The following FBXO15 variants were observed in gnomAD, a reference collection of about 807,000 sequenced individuals.
The protein encoded by FBXO15 is F-box only protein 15.
Under a neutral mutation model 49.5 loss-of-function variants are expected in FBXO15, and 30 were observed. The observed-to-expected ratio is 0.61, with a 90% CI of 0.45 to 0.82. The LOEUF is 0.82. Among genes scored for constraint, FBXO15 ranks in the 40% least tolerant of loss-of-function variants. The probability of loss-of-function intolerance (pLI) is 0.00; values close to 1 mark genes in which losing one functional copy is unlikely to be tolerated. For missense variants in FBXO15, 591 were observed against 631.5 expected, an observed-to-expected ratio of 0.94 and a Z score of 0.69; for synonymous variants, 250 against 232.7, an observed-to-expected ratio of 1.07 and a Z score of -0.68.
In FBXO15 at chr18:74,074,646, T is replaced by A. The variant is rs1912181077; in HGVS notation, c.1264-916A>T. ...TGTTTTCACCCTGCAAGCCATGACC[T>A]ATTAATGTATCCTGAAGTAAATTTA... On this transcript the variant is annotated intron_variant, in intron 9 of 9. Coordinates refer to ENST00000419743, the MANE Select transcript of FBXO15 (RefSeq NM_001142958.2). This position sits in a 1 kb window ranked among gnomAD's most constrained non-coding sequence, Gnocchi z 4.7. Among the ~76,000 whole-genome samples, 2 of 152,232 alleles carry A rather than the reference T, an allele frequency of 1.3e-5. No individual in the cohort carries two copies.
At chr18:74,114,511 A>T (rs1022515094) in intron 8 of FBXO15, among the ~76,000 whole-genome samples, 1 of 152,210 alleles carries the variant, frequency 6.6e-6, no homozygotes, top group East Asian at 1.9e-4. Flanking sequence ...TACATTTCCA[A>T]AAGAATAGAA....
At chr18:74,143,205 TTAAA>T (rs760486420) in intron 1 of FBXO15, among the ~76,000 whole-genome samples, 6 of 152,194 alleles carry the variant, frequency 3.9e-5, no homozygotes, top group African/African-American at 7.2e-5. Flanking sequence ...ATTTAAGATA[TTAAA>T]TAAATACCTT....
Position 74,147,687 on chromosome 18 carries a change from G to C in FBXO15, c.99C>G (p.Ala33=). ...ACAGTCACCTGCACCCAAAGGCCCT[G>C]GCGCGCCCCCGGGCCGCGCCACCGC... ...SRGGGAARGR[A]RAFGCRKGPG... Residue 33 remains alanine, a synonymous_variant, in exon 1 of 10, where the codon GCC becomes GCG. Transcript: ENST00000419743. 6.7e-7 allele frequency: 1 copy of C among 1,499,206 alleles called. No individual in the cohort carries two copies. Among genetic ancestry groups the C allele is most frequent in the Non-Finnish European group, 8.9e-7 (1 of 1,128,836 alleles). 92.9% of individuals were successfully genotyped at this position (1,499,206 alleles called of 1,614,324 possible). A position where few individuals can be genotyped will look rare whatever the true frequency, so the allele number is the denominator to read the frequency against.
At position 74,074,482 on chromosome 18, in the gene FBXO15, T is replaced by C. The variant is rs1188556408; in HGVS notation, c.1264-752A>G. Among the ~76,000 whole-genome samples the C allele has an allele frequency of 2.0e-5, 3 of 152,206 alleles. No homozygotes were observed. The highest frequency in any genetic ancestry group is 4.8e-5 in the African/African-American group (2 of 41,466). ...TCAGTTATTCACTCCCACAGTCACA[T>C]GGCCGACACAGCACTTCCCGGAAGT... On this transcript the variant is annotated intron_variant, in intron 9 of 9. Transcript: ENST00000419743. This position sits in a 1 kb window ranked among gnomAD's most constrained non-coding sequence, Gnocchi z 4.7.
At chr18:74,080,720 T>C (rs1234815604) in intron 9 of FBXO15, among the ~76,000 whole-genome samples, 1 of 152,244 alleles carries the variant, frequency 6.6e-6, no homozygotes, top group Non-Finnish European at 1.5e-5. Context: ...AAAGTCCCAT[T>C]GGAAATTTTG....
Position 74,147,756 on chromosome 18 carries a change from C to G in FBXO15, c.30G>C (p.Gln10His), listed in dbSNP as rs1337796367. 17 of 1,535,884 alleles carry G rather than the reference C, an allele frequency of 1.1e-5. No homozygotes were observed. The highest frequency in any genetic ancestry group is 1.5e-5 in the Non-Finnish European group (17 of 1,142,932). The change falls in exon 1 of 10, where the codon CAG becomes CAC. Residue 10 changes from glutamine to histidine, a missense_variant. Physicochemically the swap from Gln to His is conservative, Grantham distance 24. Transcript: ENST00000419743. MATGRGRILQQHWLGLQTLR... is the reference protein window; with the variant it reads MATGRGRILHQHWLGLQTLR... The stretch of plus-strand genomic sequence containing the variant: ...GCGTCTGGAGGCCGAGCCAGTGCTG[C>G]TGCAAGATCCGACCGCGTCCAGTCG...
intron 6 of FBXO15, among the ~76,000 whole-genome samples, chr18:74,125,395 T>C (rs529629117): frequency 6.6e-6 from 1 of 152,362 alleles, no homozygotes; most frequent in Non-Finnish European, 1.5e-5. Flanking sequence ...CTAGTCATTG[T>C]AAACTAATGC....
intron 8 of FBXO15, among the ~76,000 whole-genome samples, chr18:74,121,494 T>C (rs368095372): frequency 1.0e-3 from 154 of 152,364 alleles, no homozygotes; most frequent in African/African-American, 3.5e-3. Flanking sequence ...CATTCTTGGA[T>C]GGAACAATTC....
intron 8 of FBXO15, among the ~76,000 whole-genome samples, chr18:74,120,083 C>T (rs1022337227): frequency 6.6e-6 from 1 of 152,196 alleles, no homozygotes; most frequent in Non-Finnish European, 1.5e-5. Context: ...CGTTTGTACC[C>T]TTGGTGTGCA....
In FBXO15 at chr18:74,073,632, A is replaced by C. The variant is rs1912129237; in HGVS notation, c.1362T>G (p.Ser454=). 1 of 1,614,248 alleles carries C rather than the reference A, an allele frequency of 6.2e-7. No homozygotes were observed. Among genetic ancestry groups the C allele is most frequent in the Non-Finnish European group, 8.5e-7 (1 of 1,180,042 alleles). The part of the protein sequence containing the change: ...PVCLRSPATP[S]DSSSFLGQTY... ...TCTGTCCCAAGAAGCTAGAGCTGTCAGAGGGTGTGGCAGGCGATCTCAGGC... is the reference window on the plus strand; with the variant it reads ...TCTGTCCCAAGAAGCTAGAGCTGTCCGAGGGTGTGGCAGGCGATCTCAGGC... The change falls in exon 10 of 10, where the codon TCT becomes TCG. Residue 454 remains serine (S), a synonymous_variant. Coordinates refer to ENST00000419743, the MANE Select transcript of FBXO15 (RefSeq NM_001142958.2).
Position 74,112,936 on chromosome 18 carries a change from C to T in FBXO15, c.1138+10432G>A, listed in dbSNP as rs577269695. 4.6e-5 allele frequency among the ~76,000 whole-genome samples: 7 copies of T among 152,330 alleles called. No homozygotes were observed. The South Asian group carries it at 1.4e-3, about 32-fold the overall frequency. ...ATTAAACGTACTCGTACCACATGAT[C>T]CAGCAACCACACTCCTTGGTATTTA... is the stretch of plus-strand genomic sequence containing the variant. On this transcript the variant is annotated intron_variant, in intron 8 of 9. Transcript: ENST00000419743.
chr18:74,105,890 CT>C (rs1913737252), intron 8 of FBXO15, among the ~76,000 whole-genome samples: 1 of 152,080 alleles, frequency 6.6e-6, no homozygotes, highest in Admixed American at 6.6e-5. Flanking sequence ...TAATATGAAT[CT>C]GCTCAAAATA....
intron 8 of FBXO15, among the ~76,000 whole-genome samples, chr18:74,117,933 ACTC>A (rs1248531638): frequency 3.9e-5 from 6 of 152,000 alleles, no homozygotes; most frequent in Non-Finnish European, 8.8e-5. Flanking sequence ...ACAGGTCCTA[ACTC>A]CTCAAGAATA....
At chr18:74,128,051 C>T (rs578116118) in intron 5 of FBXO15, among the ~76,000 whole-genome samples, 183 of 152,096 alleles carry the variant, frequency 1.2e-3, no homozygotes, top group African/African-American at 4.2e-3. Context: ...TTCATGATCC[C>T]GTATGAAATT....
intron 8 of FBXO15, among the ~76,000 whole-genome samples, chr18:74,091,161 A>G (rs1356076372): frequency 6.6e-6 from 1 of 151,872 alleles, no homozygotes; most frequent in Non-Finnish European, 1.5e-5. Flanking sequence ...TTCTTTCTCA[A>G]TTTTGATTTT....
chr18:74,123,770 C>T (rs530245800), intron 7 of FBXO15, among the ~76,000 whole-genome samples: 2 of 152,212 alleles, frequency 1.3e-5, no homozygotes, highest in East Asian at 3.9e-4. Context: ...CATGTTTCTG[C>T]AGCTGATCCC....
At chr18:74,120,331 T>C (rs971358071) in intron 8 of FBXO15, among the ~76,000 whole-genome samples, 1 of 152,186 alleles carries the variant, frequency 6.6e-6, no homozygotes, top group African/African-American at 2.4e-5. Flanking sequence ...ATTACCTAAT[T>C]AATATTTTCG....
At chr18:74,086,722 T>A (rs937214577) in intron 8 of FBXO15, among the ~76,000 whole-genome samples, 2 of 152,168 alleles carry the variant, frequency 1.3e-5, no homozygotes, top group African/African-American at 2.4e-5. Flanking sequence ...CACTGAATAG[T>A]TTTTAATTGG....
At position 74,124,469 on chromosome 18, in the gene FBXO15, AC is replaced by A; in HGVS notation, c.995+19del. 1 of 1,598,122 alleles carries A rather than the reference AC, an allele frequency of 6.3e-7. No homozygotes were observed. The stretch of plus-strand genomic sequence containing the variant: ...TATTTACTGTACAAAAATTCAACAC[AC>A]CCACATATAAATACATACATAGTAG... On this transcript the variant is annotated intron_variant, in intron 7 of 9. Coordinates refer to ENST00000419743, the MANE Select transcript of FBXO15 (RefSeq NM_001142958.2).
Sources: gnomAD v4.1 joint callset for allele counts (sites outside exome capture counted in the v4.1 genomes callset) on GRCh38, gnomAD v4.1.1 for gene constraint, Gnocchi (gnomAD v3.1) non-coding constraint, MANE v1.5 for transcripts, NCBI Gene and HGNC (gene_info 2026-07-23, HGNC 2026-07-21) for gene names.